Variants in OLFML1 observed in about 807,000 individuals in gnomAD.
The protein encoded by OLFML1 is olfactomedin-like protein 1.
In OLFML1, 33 loss-of-function variants were observed where a neutral mutation model predicts 37.3. The observed-to-expected ratio is 0.88, with a 90% CI of 0.67 to 1.18. The LOEUF (loss-of-function observed/expected upper bound fraction) is 1.18. Ranked by LOEUF, OLFML1 falls within the 50% of genes most tolerant of loss-of-function variation. The pLI is 0.00. For missense variants in OLFML1, 545 were observed against 483.7 expected, an observed-to-expected ratio of 1.13 and a Z score of -1.19; for synonymous variants, 186 against 181.3, an observed-to-expected ratio of 1.03 and a Z score of -0.21.
In OLFML1 at chr11:7,485,665, T is replaced by G; in HGVS notation, c.-211T>G. ...AGTCTACAAGGCCTCAGGGACCAAC[T>G]TGCCAACAGCTGGACTTGATCACTA... On this transcript the variant is annotated 5_prime_UTR_variant, in exon 1 of 3. Transcript: ENST00000329293. The G allele has an allele frequency of 1.8e-6, 1 of 563,226 alleles. No homozygotes were observed. The highest frequency in any genetic ancestry group is 3.2e-5 in the Admixed American group (1 of 31,596). The allele number at this position is 563,226 out of a possible 1,614,324, so 34.9% of individuals were successfully genotyped here.
chr11:7,503,361 G>A (rs1359860961), intron 2 of OLFML1, among the ~76,000 whole-genome samples: 3 of 152,158 alleles, frequency 2.0e-5, no homozygotes, highest in Non-Finnish European at 2.9e-5. Flanking sequence ...GAGGACAAAC[G>A]TGAGGGGGAT....
chr11:7,489,203 T>G (rs1848566539), intron 2 of OLFML1, among the ~76,000 whole-genome samples: 2 of 152,192 alleles, frequency 1.3e-5, no homozygotes, highest in South Asian at 4.1e-4. Context: ...GTGCCATCAT[T>G]GTGCTAAAAG....
At chr11:7,486,257 GA>G (rs1325841663) in intron 1 of OLFML1, among the ~76,000 whole-genome samples, 1 of 152,190 alleles carries the variant, frequency 6.6e-6, no homozygotes, top group Non-Finnish European at 1.5e-5. Context: ...GTAAAATGGG[GA>G]TAATAGTAGA....
At chr11:7,495,756 G>A (rs1441119232) in intron 2 of OLFML1, among the ~76,000 whole-genome samples, 1 of 152,170 alleles carries the variant, frequency 6.6e-6, no homozygotes, top group African/African-American at 2.4e-5. Flanking sequence ...TAAATCTGAT[G>A]TCTTGTCTGA....
At position 7,510,256 on chromosome 11, in the gene OLFML1, C is replaced by T; in HGVS notation, c.*68C>T. ...GTTCTACAGGACAGTGAGGCTATAG[C>T]CCCTTCACAATATAGTATCCCTCTA... is the stretch of plus-strand genomic sequence containing the variant. On this transcript the variant is annotated 3_prime_UTR_variant, in exon 3 of 3. Transcript: ENST00000329293. 2 of 1,252,534 alleles carry T rather than the reference C, an allele frequency of 1.6e-6. No homozygotes were observed. Among genetic ancestry groups the T allele is most frequent in the South Asian group, 1.4e-5 (1 of 69,446 alleles). 77.6% of individuals were successfully genotyped at this position (1,252,534 alleles called of 1,614,324 possible).
chr11:7,501,644 C>T (rs1431010352), intron 2 of OLFML1, among the ~76,000 whole-genome samples: 1 of 152,224 alleles, frequency 6.6e-6, no homozygotes, highest in Non-Finnish European at 1.5e-5. Context: ...CCCACCCCCA[C>T]TTCTGCCATG....
chr11:7,510,244 G>A lies in OLFML1; in HGVS notation c.*56G>A, dbSNP rs1330409612. 1 of 1,403,450 alleles carries A rather than the reference G, an allele frequency of 7.1e-7. No individual in the cohort carries two copies. 86.9% of individuals were successfully genotyped at this position (1,403,450 alleles called of 1,614,324 possible). A position where few individuals can be genotyped will look rare whatever the true frequency, so the allele number is the denominator to read the frequency against. Reference sequence around the variant, plus strand: ...GCTTTGGCAGCTGTTCTACAGGACAGTGAGGCTATAGCCCCTTCACAATAT... The same window carrying A: ...GCTTTGGCAGCTGTTCTACAGGACAATGAGGCTATAGCCCCTTCACAATAT... On this transcript the variant is annotated 3_prime_UTR_variant, in exon 3 of 3. Coordinates refer to ENST00000329293, the MANE Select transcript of OLFML1 (RefSeq NM_198474.4).
chr11:7,493,230 G>A (rs776471538), intron 2 of OLFML1, among the ~76,000 whole-genome samples: 24 of 152,104 alleles, frequency 1.6e-4, no homozygotes, highest in Non-Finnish European at 2.2e-4. Context: ...GTTAGATCAC[G>A]TTTCAAATAA....
chr11:7,489,508 G>C (rs1193675852), intron 2 of OLFML1, among the ~76,000 whole-genome samples: 2 of 151,836 alleles, frequency 1.3e-5, no homozygotes, highest in Non-Finnish European at 2.9e-5. Flanking sequence ...TTGCATGCTA[G>C]ATGAAGGAAG....
chr11:7,486,156 G>T, intron 1 of OLFML1, 152 bp downstream of exon 1: 1 of 749,928 alleles, frequency 1.3e-6, no homozygotes, highest in Non-Finnish European at 2.1e-6. Flanking sequence ...TAGTCTGGCA[G>T]TTTAGAGCCG....
intron 2 of OLFML1, among the ~76,000 whole-genome samples, chr11:7,506,883 G>C (rs775877507): frequency 6.6e-6 from 1 of 152,208 alleles, no homozygotes; most frequent in Non-Finnish European, 1.5e-5. Flanking sequence ...CATGAGCAAA[G>C]GAGTGAGCAA....
chr11:7,510,234 C>T lies in OLFML1; in HGVS notation c.*46C>T, dbSNP rs748952016. 7.4e-6 allele frequency: 11 copies of T among 1,487,204 alleles called. No homozygotes were observed. The highest frequency in any genetic ancestry group is 1.4e-5 in the African/African-American group (1 of 71,936). The allele number at this position is 1,487,204 out of a possible 1,614,324, so 92.1% of individuals were successfully genotyped here. ...GAGCACTGTGGCTTTGGCAGCTGTTCTACAGGACAGTGAGGCTATAGCCCC... is the reference window on the plus strand; with the variant it reads ...GAGCACTGTGGCTTTGGCAGCTGTTTTACAGGACAGTGAGGCTATAGCCCC... On this transcript the variant is annotated 3_prime_UTR_variant, in exon 3 of 3. Transcript: ENST00000329293.
intron 2 of OLFML1, among the ~76,000 whole-genome samples, chr11:7,508,852 C>G (rs1453518607): frequency 6.6e-6 from 1 of 152,152 alleles, no homozygotes; most frequent in Non-Finnish European, 1.5e-5. Flanking sequence ...ACAATAAAAT[C>G]TTGGTAAATG....
At chr11:7,507,041 G>A (rs1295674412) in intron 2 of OLFML1, among the ~76,000 whole-genome samples, 2 of 152,104 alleles carry the variant, frequency 1.3e-5, no homozygotes, top group African/African-American at 4.8e-5. Flanking sequence ...GAAGAGGTGG[G>A]CATGCTCCAT....
At chr11:7,490,878 C>T (rs1848587418) in intron 2 of OLFML1, among the ~76,000 whole-genome samples, 1 of 152,062 alleles carries the variant, frequency 6.6e-6, no homozygotes, top group Non-Finnish European at 1.5e-5. Flanking sequence ...TCATGCAGAC[C>T]TTCCACAACA....
chr11:7,488,332 T>G lies in OLFML1; in HGVS notation c.335T>G (p.Ile112Ser). ...IQYLREADEC[I>S]ESEDKTLAEM... ...TACCTTCGAGAGGCTGACGAGTGCATCGAATCAGAGGACAAGACACTGGCA... is the reference window on the plus strand; with the variant it reads ...TACCTTCGAGAGGCTGACGAGTGCAGCGAATCAGAGGACAAGACACTGGCA... The change falls in exon 2 of 3, where the codon ATC becomes AGC. Residue 112 changes from isoleucine (I) to serine (S), a missense_variant. Coordinates refer to ENST00000329293, the MANE Select transcript of OLFML1 (RefSeq NM_198474.4). 3 of 1,614,004 alleles carry G rather than the reference T, an allele frequency of 1.9e-6. No individual in the cohort carries two copies. The highest frequency in any genetic ancestry group is 2.5e-6 in the Non-Finnish European group (3 of 1,179,982).
rs754527575 is a variant in OLFML1 at position 7,509,455 on chromosome 11, A to G, written c.476A>G (p.Asp159Gly). 6.2e-7 allele frequency: 1 copy of G among 1,613,986 alleles called. No individual in the cohort carries two copies. Residue 159 changes from aspartate (D) to glycine (G), a missense_variant, in exon 3 of 3, where the codon GAC becomes GGC. By Grantham distance (94) the Asp-to-Gly change is moderately conservative (BLOSUM62 -1). Coordinates refer to ENST00000329293, the MANE Select transcript of OLFML1 (RefSeq NM_198474.4). ...TTGAAAATAGTGAAGAAGATGATGG[A>G]CACACATGGCTCTTGGATGAAAGAT... ...KSLKIVKKMM[D>G]THGSWMKDAV...
chr11:7,502,531 A>G (rs1260803175), intron 2 of OLFML1, among the ~76,000 whole-genome samples: 1 of 152,198 alleles, frequency 6.6e-6, no homozygotes, highest in East Asian at 1.9e-4. Context: ...TCCAGGGAAA[A>G]AAGAGGTAGT....
rs1848856735 is a variant in OLFML1, at chr11:7,511,203, G to T, written c.*1015G>T. The T allele has an allele frequency of 6.6e-6, 1 of 152,206 alleles. No individual in the cohort carries two copies. Among genetic ancestry groups the T allele is most frequent in the Admixed American group, 6.5e-5 (1 of 15,274 alleles). The allele number at this position is 152,206 out of a possible 1,614,324, so 9.4% of individuals were successfully genotyped here. ...CATGTCTGCACAAGACCTTTCAATA[G>T]GCCTTTCAAATGATAATTCCTCCAG... On this transcript the variant is annotated 3_prime_UTR_variant, in exon 3 of 3. Transcript: ENST00000329293.
Sources: allele counts gnomAD v4.1 joint callset (sites outside exome capture counted in the v4.1 genomes callset), GRCh38; gene constraint gnomAD v4.1.1; transcripts MANE v1.5; gene names NCBI Gene and HGNC (gene_info 2026-07-23, HGNC 2026-07-21).